Variants in POLB observed in about 807,000 individuals in gnomAD.
POLB encodes DNA polymerase beta, also known as 5'-dRP lyase.
In POLB, 37 loss-of-function variants were observed where a neutral mutation model predicts 52.7. That is an observed-to-expected ratio of 0.70 (90% CI 0.54 to 0.92). The LOEUF (loss-of-function observed/expected upper bound fraction) is 0.92, where lower values mean the gene tolerates loss of function less well. Ranked by LOEUF, POLB falls within the 40% of genes least tolerant of loss-of-function variation. The probability of loss-of-function intolerance (pLI) is 0.00; values close to 1 mark genes in which losing one functional copy is unlikely to be tolerated. For missense variants in POLB, 313 were observed against 400.8 expected, an observed-to-expected ratio of 0.78 and a Z score of 1.87; for synonymous variants, 138 against 131.3, an observed-to-expected ratio of 1.05 and a Z score of -0.35.
chr8:42,356,880 T>A (rs1823347294), intron 7 of POLB, among the ~76,000 whole-genome samples: 1 of 152,196 alleles, frequency 6.6e-6, no homozygotes, highest in Non-Finnish European at 1.5e-5. Context: ...ATATATTTAT[T>A]TACTCTTGTT....
intron 11 of POLB, among the ~76,000 whole-genome samples, chr8:42,366,954 T>C (rs1202467504): frequency 2.0e-5 from 3 of 152,180 alleles, no homozygotes; most frequent in East Asian, 1.9e-4. Flanking sequence ...TGCACAAATA[T>C]AAGATGTCAT....
Position 42,353,023 on chromosome 8 carries a change from G to A in POLB, c.370+455G>A, listed in dbSNP as rs187928065. 4.1e-4 allele frequency among the ~76,000 whole-genome samples: 62 copies of A among 151,258 alleles called. No homozygotes were observed. In the East Asian group the frequency reaches 9.0e-3, roughly 22 times the overall value. On this transcript the variant is annotated intron_variant, in intron 6 of 13. Coordinates refer to ENST00000265421, the MANE Select transcript of POLB (RefSeq NM_002690.3). ...CGGGAGGCAGAGGTTGCATTGAGCC[G>A]AGGTGGTGCCACTGCACTCCAGCCT... is the stretch of plus-strand genomic sequence containing the variant.
intron 1 of POLB, 50 bp from the exon 2 acceptor site, chr8:42,338,962 G>A (rs751855444): frequency 6.0e-6 from 9 of 1,498,640 alleles, no homozygotes; most frequent in South Asian, 3.4e-5. Context: ...AACAGTTCTC[G>A]TTTGTTTACT....
chr8:42,359,399 G>C (rs1379669611), intron 9 of POLB, among the ~76,000 whole-genome samples: 1 of 151,912 alleles, frequency 6.6e-6, no homozygotes, highest in Admixed American at 6.6e-5. Context: ...CTGTCACCCA[G>C]GCTGGAGTGT....
intron 3 of POLB, among the ~76,000 whole-genome samples, chr8:42,345,226 T>A (rs1007066869): frequency 1.3e-5 from 2 of 152,220 alleles, no homozygotes; most frequent in Non-Finnish European, 2.9e-5. Flanking sequence ...TGGGTTAAAA[T>A]TTTTAAAAAT....
Position 42,369,867 on chromosome 8 carries a change from G to A in POLB, c.792G>A (p.Gln264=). The A allele has an allele frequency of 6.2e-7, 1 of 1,600,196 alleles. No homozygotes were observed. The highest frequency in any genetic ancestry group is 8.5e-7 in the Non-Finnish European group (1 of 1,172,946). ...RIDIRLIPKD[Q]YYCGVLYFTG... ...TTTTTAGGTTGATACCCAAAGATCA[G>A]TATTACTGTGGTGTTCTCTATTTCA... Residue 264 remains glutamine, a synonymous_variant, in exon 13 of 14, where the codon CAG becomes CAA. Coordinates refer to ENST00000265421, the MANE Select transcript of POLB (RefSeq NM_002690.3).
chr8:42,339,350 G>T (rs923252381), intron 2 of POLB: 1 of 442,626 alleles, frequency 2.3e-6, no homozygotes, highest in Non-Finnish European at 4.1e-6. Context: ...AATTTTAACC[G>T]TAATGAAAGA....
At chr8:42,343,369 T>TATATATATACAC (rs761101423) in intron 2 of POLB, among the ~76,000 whole-genome samples, 3,113 of 35,748 alleles carry the variant, frequency 0.087, 348 homozygotes, top group Non-Finnish European at 0.14. Context: ...TATATATATA[T>TATATATATACAC]ACACAAAATT....
intron 2 of POLB, among the ~76,000 whole-genome samples, chr8:42,341,246 A>G (rs1203540740): frequency 1.3e-5 from 2 of 152,234 alleles, no homozygotes; most frequent in African/African-American, 2.4e-5. Context: ...CAAATACATC[A>G]TAGCATACAA....
chr8:42,344,385 C>T (rs1328617513), intron 2 of POLB, among the ~76,000 whole-genome samples: 1 of 151,550 alleles, frequency 6.6e-6, no homozygotes, highest in African/African-American at 2.4e-5. Context: ...AGGAGAATCG[C>T]TTGAACCCCA....
chr8:42,352,278 T>C (rs1390765108), intron 5 of POLB, among the ~76,000 whole-genome samples: 1 of 152,214 alleles, frequency 6.6e-6, no homozygotes, highest in Non-Finnish European at 1.5e-5. Context: ...CATCTGTACA[T>C]GGGCACTATG....
At chr8:42,362,487 G>A in intron 10 of POLB, 125 bp from the exon 11 acceptor site, 3 of 626,576 alleles carry the variant, frequency 4.8e-6, no homozygotes, top group South Asian at 2.1e-5. Flanking sequence ...GATTGTACCT[G>A]TGAATAGCAC....
chr8:42,349,366 G>A (rs41548813), intron 4 of POLB: 3 of 254,046 alleles, frequency 1.2e-5, no homozygotes, highest in African/African-American at 2.2e-5. Context: ...CTGAAAGATC[G>A]TTATCTTTTA....
intron 2 of POLB, 100 bp from the exon 3 acceptor site, chr8:42,344,853 G>C: frequency 1.4e-6 from 1 of 732,914 alleles, no homozygotes; most frequent in Non-Finnish European, 2.4e-6. Context: ...CTTGGTGAAA[G>C]CATAAGCATA....
At chr8:42,364,580 C>A (rs1232677093) in intron 11 of POLB, among the ~76,000 whole-genome samples, 2 of 152,064 alleles carry the variant, frequency 1.3e-5, no homozygotes, top group African/African-American at 4.8e-5. Context: ...ATACATCATT[C>A]GAGTCCATTT....
At chr8:42,349,671 A>AG (rs1161763639) in intron 4 of POLB, among the ~76,000 whole-genome samples, 1 of 152,236 alleles carries the variant, frequency 6.6e-6, no homozygotes, top group Non-Finnish European at 1.5e-5. Flanking sequence ...TACAGGCATG[A>AG]GCCACCATAC....
At chr8:42,353,681 G>A (rs1823125845) in intron 6 of POLB, among the ~76,000 whole-genome samples, 1 of 152,040 alleles carries the variant, frequency 6.6e-6, no homozygotes, top group African/African-American at 2.4e-5. Context: ...TTGGGATTTA[G>A]TATTTGTGAG....
intron 5 of POLB, among the ~76,000 whole-genome samples, chr8:42,351,738 C>G (rs994219829): frequency 2.6e-5 from 4 of 152,172 alleles, no homozygotes; most frequent in Non-Finnish European, 5.9e-5. Context: ...AAACCTAAAT[C>G]AGATTTTATC....
chr8:42,363,527 CAAAAAAA>C (rs1163249252), intron 11 of POLB, among the ~76,000 whole-genome samples: 12 of 15,822 alleles, frequency 7.6e-4, no homozygotes, highest in African/African-American at 1.2e-3. Context: ...GACTCTGTCT[CAAAAAAA>C]AAAAAAAAAA....
Sources: gnomAD v4.1 joint callset for allele counts (sites outside exome capture counted in the v4.1 genomes callset) on GRCh38, gnomAD v4.1.1 for gene constraint, MANE v1.5 for transcripts, NCBI Gene and HGNC (gene_info 2026-07-23, HGNC 2026-07-21) for gene names.